Variants in PRMT8 observed in about 807,000 individuals in gnomAD.
PRMT8 encodes protein arginine N-methyltransferase 8.
A neutral mutation model predicts 47.1 loss-of-function variants in PRMT8; 7 were observed. The ratio of observed to expected loss-of-function variants is 0.15; its 90% CI spans 0.08 to 0.28. The LOEUF (loss-of-function observed/expected upper bound fraction) is 0.28. Among genes scored for constraint, PRMT8 ranks in the 10% least tolerant of loss-of-function variants. The pLI is 1.00. For missense variants in PRMT8, 237 were observed against 505.4 expected (o/e 0.47, Z 5.09); for synonymous variants, 188 against 186.5 (o/e 1.01, Z -0.07).
chr12:3,428,992 C>G (rs1226636594), intron 1 of PRMT8, among the ~76,000 whole-genome samples: 1 of 152,090 alleles, frequency 6.6e-6, no homozygotes, highest in East Asian at 1.9e-4. Context: ...ATCTTTGTCT[C>G]TCTGTCTCTT....
At chr12:3,473,566 C>T (rs553612263) in intron 1 of PRMT8, among the ~76,000 whole-genome samples, 8 of 152,212 alleles carry the variant, frequency 5.3e-5, no homozygotes, top group African/African-American at 9.6e-5. Flanking sequence ...AAAGGCCCAA[C>T]GACCCCTGTG....
chr12:3,435,954 C>T (rs1038617190), intron 1 of PRMT8, among the ~76,000 whole-genome samples: 7 of 152,140 alleles, frequency 4.6e-5, no homozygotes, highest in South Asian at 2.1e-4. Flanking sequence ...GATGACACCC[C>T]GTGTCCGCAA....
At position 3,552,693 on chromosome 12, in the gene PRMT8, G is replaced by A. The variant is rs766463803; in HGVS notation, c.418-958G>A. The A allele has an allele frequency of 6.5e-6, 3 of 461,248 alleles. No homozygotes were observed. The highest frequency in any genetic ancestry group is 1.5e-5 in the South Asian group (1 of 64,736). The allele number at this position is 461,248 out of a possible 1,614,324, so 28.6% of individuals were successfully genotyped here. On this transcript the variant is annotated intron_variant, in intron 3 of 9. Coordinates refer to ENST00000382622, the MANE Select transcript of PRMT8 (RefSeq NM_019854.5). The surrounding 1 kb of genome is among the most constrained non-coding windows in gnomAD (Gnocchi z 4.5). ...CAGCTCTAACCAAGTGACCCCTTCTGACCCCGTAGGTGCCCTCACCCTTCC... is the reference window on the plus strand; with the variant it reads ...CAGCTCTAACCAAGTGACCCCTTCTAACCCCGTAGGTGCCCTCACCCTTCC...
chr12:3,483,469 A>G (rs1865293861), intron 1 of PRMT8, among the ~76,000 whole-genome samples: 1 of 152,034 alleles, frequency 6.6e-6, no homozygotes, highest in Non-Finnish European at 1.5e-5. Flanking sequence ...TTCCTGTGGA[A>G]TAACTTGAGT....
chr12:3,457,347 T>C (rs1040879686), intron 1 of PRMT8, among the ~76,000 whole-genome samples: 2 of 152,212 alleles, frequency 1.3e-5, no homozygotes, highest in African/African-American at 4.8e-5. Flanking sequence ...TCTCACTTTG[T>C]CACCCAGACT....
intron 1 of PRMT8, among the ~76,000 whole-genome samples, chr12:3,528,907 T>C (rs1319722844): frequency 1.3e-5 from 2 of 152,224 alleles, no homozygotes; most frequent in Middle Eastern, 3.2e-3. Context: ...ACAAAACACC[T>C]CTTCTGAGTA....
At chr12:3,468,909 G>T (rs981389700) in intron 1 of PRMT8, 3 of 195,348 alleles carry the variant, frequency 1.5e-5, no homozygotes, top group African/African-American at 7.1e-5. Context: ...TAGAACATTA[G>T]AAATAAAGGA....
chr12:3,533,148 C>A (rs973857277), intron 1 of PRMT8, among the ~76,000 whole-genome samples: 1 of 152,254 alleles, frequency 6.6e-6, no homozygotes, highest in Non-Finnish European at 1.5e-5. Context: ...GGACAGCCGA[C>A]CCTCTGTGAC....
chr12:3,424,647 A>G (rs1390197295), intron 1 of PRMT8, among the ~76,000 whole-genome samples: 2 of 152,112 alleles, frequency 1.3e-5, no homozygotes, highest in East Asian at 3.9e-4. Context: ...AGCTGTGGAC[A>G]TGGGAGGCTC....
intron 7 of PRMT8, 34 bp downstream of exon 7, chr12:3,577,020 G>T (rs1866957897): frequency 6.3e-7 from 1 of 1,578,530 alleles, no homozygotes; most frequent in African/African-American, 1.3e-5. Context: ...ACCTGGGTGT[G>T]CTGGGAGCCC....
At chr12:3,397,692 G>A (rs1334977422) in intron 1 of PRMT8, among the ~76,000 whole-genome samples, 2 of 152,114 alleles carry the variant, frequency 1.3e-5, no homozygotes, top group African/African-American at 4.8e-5. Context: ...CCCAGAGGTG[G>A]AGCCTACAGA....
intron 1 of PRMT8, among the ~76,000 whole-genome samples, chr12:3,479,875 G>A (rs990496825): frequency 1.3e-5 from 2 of 151,820 alleles, no homozygotes; most frequent in Non-Finnish European, 2.9e-5. Context: ...CATGCATCAG[G>A]CACTATATAC....
intron 1 of PRMT8, among the ~76,000 whole-genome samples, chr12:3,448,936 G>A (rs528817906): frequency 6.6e-6 from 1 of 152,130 alleles, no homozygotes; most frequent in South Asian, 2.1e-4. Flanking sequence ...CCCTCCCTGT[G>A]TCCATGTGTT....
intron 1 of PRMT8, among the ~76,000 whole-genome samples, chr12:3,422,437 A>G (rs1368799865): frequency 6.6e-6 from 1 of 152,196 alleles, no homozygotes; most frequent in Non-Finnish European, 1.5e-5. Flanking sequence ...AAAGGGCTTT[A>G]TTCAGCTGGG....
chr12:3,468,483 C>A (rs896584755), intron 1 of PRMT8, among the ~76,000 whole-genome samples: 2 of 152,206 alleles, frequency 1.3e-5, no homozygotes, highest in African/African-American at 4.8e-5. Context: ...TGCAACAGAA[C>A]ACCAAGGTCC....
intron 6 of PRMT8, among the ~76,000 whole-genome samples, chr12:3,575,470 T>C (rs1866921381): frequency 6.6e-6 from 1 of 152,250 alleles, no homozygotes; most frequent in African/African-American, 2.4e-5. Flanking sequence ...CTCTGCACTG[T>C]AGGGAGAGAA....
At chr12:3,571,389 C>CAAG (rs1226690736) in intron 6 of PRMT8, among the ~76,000 whole-genome samples, 2 of 152,224 alleles carry the variant, frequency 1.3e-5, no homozygotes, top group Non-Finnish European at 2.9e-5. Context: ...TAGGTACATT[C>CAAG]TTCATTGTCA....
intron 1 of PRMT8, among the ~76,000 whole-genome samples, chr12:3,382,012 C>T (rs549064329): frequency 6.6e-6 from 1 of 152,314 alleles, no homozygotes; most frequent in Admixed American, 6.5e-5. Context: ...TTTGGTTTCA[C>T]TCAGCATAAT....
chr12:3,454,522 C>G (rs1864953761), intron 1 of PRMT8, among the ~76,000 whole-genome samples: 1 of 152,110 alleles, frequency 6.6e-6, no homozygotes, highest in South Asian at 2.1e-4. Context: ...GCCCGTCATG[C>G]CCAGCCCTGG....
Sources: gnomAD v4.1 joint callset for allele counts (sites outside exome capture counted in the v4.1 genomes callset) on GRCh38, gnomAD v4.1.1 for gene constraint, Gnocchi (gnomAD v3.1) non-coding constraint, MANE v1.5 for transcripts, NCBI Gene and HGNC (gene_info 2026-07-23, HGNC 2026-07-21) for gene names.